OPCML: variants seen among roughly 807,000 people sequenced by gnomAD.
The protein encoded by OPCML is opioid-binding protein/cell adhesion molecule.
A neutral mutation model predicts 37.8 loss-of-function variants in OPCML; 13 were observed. That is an observed-to-expected ratio of 0.34 (90% CI 0.22 to 0.55). OPCML has a LOEUF of 0.55. Among genes scored for constraint, OPCML ranks in the 20% least tolerant of loss-of-function variants. OPCML has a pLI of 0.91. For synonymous variants in OPCML, 176 were observed against 168.8 expected (o/e 1.04, Z -0.33); for missense variants, 341 against 435.6 (o/e 0.78, Z 1.93).
intron 2 of OPCML, among the ~76,000 whole-genome samples, chr11:132,677,900 G>C (rs188846450): frequency 6.6e-6 from 1 of 152,038 alleles, no homozygotes; most frequent in Non-Finnish European, 1.5e-5. Flanking sequence ...GAATTGATAC[G>C]CTGGATTTCA....
At chr11:132,480,062 A>G (rs1205459310) in intron 4 of OPCML, among the ~76,000 whole-genome samples, 1 of 152,208 alleles carries the variant, frequency 6.6e-6, no homozygotes, top group Non-Finnish European at 1.5e-5. Flanking sequence ...CAGACGATCA[A>G]ATTACTCTGA....
intron 4 of OPCML, among the ~76,000 whole-genome samples, chr11:132,470,617 T>TAGTAATATTAAATAATAGTAAA (rs2096135043): frequency 6.6e-6 from 1 of 152,122 alleles, no homozygotes; most frequent in African/African-American, 2.4e-5. Context: ...GCAGTAATAA[T>TAGTAATATTAAATAATAGTAAA]AGCAGCAGTG....
chr11:133,139,926 C>T (rs1270660327), intron 1 of OPCML, among the ~76,000 whole-genome samples: 1 of 152,108 alleles, frequency 6.6e-6, no homozygotes, highest in Non-Finnish European at 1.5e-5. Flanking sequence ...GTGGCTCACT[C>T]CTGTAATCCT....
At chr11:133,525,889 CT>C (rs1365873462) in intron 1 of OPCML, among the ~76,000 whole-genome samples, 1 of 152,228 alleles carries the variant, frequency 6.6e-6, no homozygotes, top group Non-Finnish European at 1.5e-5. Context: ...ATCAATTCAT[CT>C]TGGCCTTTCC....
intron 1 of OPCML, among the ~76,000 whole-genome samples, chr11:133,074,881 G>A (rs1277519141): frequency 6.6e-6 from 1 of 152,086 alleles, no homozygotes; most frequent in Non-Finnish European, 1.5e-5. Context: ...TTCAAAAGTT[G>A]CCCGTAATGA....
At chr11:132,452,461 T>A (rs1045822436) in intron 4 of OPCML, among the ~76,000 whole-genome samples, 7 of 151,920 alleles carry the variant, frequency 4.6e-5, no homozygotes, top group African/African-American at 1.7e-4. Flanking sequence ...CTAAAAGCTG[T>A]GATCCACCAG....
At chr11:132,483,940 G>A (rs2096190206) in intron 4 of OPCML, among the ~76,000 whole-genome samples, 1 of 152,056 alleles carries the variant, frequency 6.6e-6, no homozygotes, top group Non-Finnish European at 1.5e-5. Flanking sequence ...AGACTTAAAT[G>A]TTAGACCTAA....
Position 132,427,003 on chromosome 11 carries a change from T to C in OPCML, c.917-6710A>G, listed in dbSNP as rs1592156875. 2.0e-5 allele frequency among the ~76,000 whole-genome samples: 3 copies of C among 152,288 alleles called. No individual in the cohort carries two copies. In the South Asian group the frequency reaches 6.2e-4, roughly 32 times the overall value. ...TTTTGAGGCTTAAAAATGTAGTGTA[T>C]ATAACAAGCCATGAAGGTATTGGAA... On this transcript the variant is annotated intron_variant, in intron 7 of 7. Coordinates refer to ENST00000524381, the MANE Select transcript of OPCML (RefSeq NM_001012393.5).
chr11:132,844,446 G>A (rs1164750418), intron 2 of OPCML, among the ~76,000 whole-genome samples: 2 of 152,094 alleles, frequency 1.3e-5, no homozygotes, highest in Non-Finnish European at 2.9e-5. Context: ...GTGGGGGGAG[G>A]TATATTTGTA....
At chr11:132,471,521 T>C (rs551383275) in intron 4 of OPCML, among the ~76,000 whole-genome samples, 1 of 152,288 alleles carries the variant, frequency 6.6e-6, no homozygotes, top group Admixed American at 6.5e-5. Context: ...TCAGAAAGTT[T>C]GCTTGGGGCT....
At chr11:132,567,381 T>A (rs1265127543) in intron 3 of OPCML, among the ~76,000 whole-genome samples, 1 of 152,190 alleles carries the variant, frequency 6.6e-6, no homozygotes, top group Non-Finnish European at 1.5e-5. Flanking sequence ...ATAAAAGTCA[T>A]ATTGAATAAA....
intron 1 of OPCML, among the ~76,000 whole-genome samples, chr11:133,012,927 C>T (rs1947248911): frequency 6.6e-6 from 1 of 151,992 alleles, no homozygotes; most frequent in Non-Finnish European, 1.5e-5. Context: ...CCACAGCATC[C>T]TGGATATTTC....
intron 1 of OPCML, among the ~76,000 whole-genome samples, chr11:133,058,068 T>G (rs1948272816): frequency 6.6e-6 from 1 of 152,230 alleles, no homozygotes; most frequent in Non-Finnish European, 1.5e-5. Context: ...GGCCAGTACC[T>G]GGCACAGAGC....
At chr11:132,681,128 C>G (rs530725776) in intron 2 of OPCML, among the ~76,000 whole-genome samples, 3 of 152,152 alleles carry the variant, frequency 2.0e-5, no homozygotes, top group Non-Finnish European at 4.4e-5. Flanking sequence ...GGACTTGTCT[C>G]CAAAATCTCA....
chr11:132,621,758 T>A (rs1450114575), intron 3 of OPCML, among the ~76,000 whole-genome samples: 1 of 152,206 alleles, frequency 6.6e-6, no homozygotes, highest in Non-Finnish European at 1.5e-5. Context: ...CTTTTTTGCA[T>A]GTAGCTATGC....
intron 3 of OPCML, among the ~76,000 whole-genome samples, chr11:132,575,967 T>G (rs1277491744): frequency 6.6e-6 from 1 of 152,078 alleles, no homozygotes; most frequent in Admixed American, 6.6e-5. Flanking sequence ...CATTCCCTTA[T>G]GGCCTGTAAG....
chr11:133,225,124 G>A (rs1054722606), intron 1 of OPCML, among the ~76,000 whole-genome samples: 20 of 152,290 alleles, frequency 1.3e-4, no homozygotes, highest in Admixed American at 3.3e-4. Flanking sequence ...AACTCAGCTC[G>A]TTGGGGCATT....
intron 1 of OPCML, among the ~76,000 whole-genome samples, chr11:133,119,048 A>G (rs1319104392): frequency 1.3e-5 from 2 of 152,224 alleles, no homozygotes; most frequent in Non-Finnish European, 2.9e-5. Context: ...TTAGAGGCCA[A>G]CTGTGCATAT....
At chr11:133,281,533 C>T (rs1942155341) in intron 1 of OPCML, among the ~76,000 whole-genome samples, 1 of 152,064 alleles carries the variant, frequency 6.6e-6, no homozygotes, top group Non-Finnish European at 1.5e-5. Context: ...TACCCAGCCT[C>T]ATGTATTCCT....
Sources: gnomAD v4.1 joint callset for allele counts (sites outside exome capture counted in the v4.1 genomes callset) on GRCh38, gnomAD v4.1.1 for gene constraint, MANE v1.5 for transcripts, NCBI Gene and HGNC (gene_info 2026-07-23, HGNC 2026-07-21) for gene names.